STARD9: variants seen among roughly 807,000 people sequenced by gnomAD.
STARD9 encodes stAR-related lipid transfer protein 9.
In STARD9, 346 loss-of-function variants were observed where a neutral mutation model predicts 399.8. The observed-to-expected ratio is 0.87, with a 90% CI of 0.79 to 0.95. STARD9 has a LOEUF of 0.95. Among genes scored for constraint, STARD9 ranks in the 40% least tolerant of loss-of-function variants. The pLI, the probability that STARD9 is intolerant of heterozygous loss-of-function variation, is 0.00. For missense variants in STARD9, 5,832 were observed against 5,667.5 expected (o/e 1.03, Z -0.93); for synonymous variants, 2,203 against 2,143.5 (o/e 1.03, Z -0.77).
In STARD9 at chr15:42,690,987, AC is replaced by A; in HGVS notation, c.9410del (p.Thr3137LysfsTer10). Reference protein sequence around the residue: ...VCQTNPEPPATTQGPHTLDLS... With the variant: ...VCQTNPEPPAXTQGPHTLDLS... ...TCAAACCAATCCAGAACCACCTGCAACAACTCAGGGACCACACACCCTGGAT... is the reference window on the plus strand; with the variant it reads ...TCAAACCAATCCAGAACCACCTGCAAAACTCAGGGACCACACACCCTGGAT... On this transcript the variant is annotated frameshift_variant, in exon 23 of 33. Transcript: ENST00000290607. LOFTEE classifies it high-confidence loss of function. 6.5e-7 allele frequency: 1 copy of A among 1,537,258 alleles called. No individual in the cohort carries two copies. The highest frequency in any genetic ancestry group is 1.2e-5 in the South Asian group (1 of 84,060).
At chr15:42,678,917 G>C (rs961755728) in intron 20 of STARD9, among the ~76,000 whole-genome samples, 3 of 152,210 alleles carry the variant, frequency 2.0e-5, no homozygotes, top group African/African-American at 7.2e-5. Context: ...GCGGCCTCTT[G>C]GGTGAATGTG....
In STARD9 at chr15:42,718,834, TC is replaced by T; in HGVS notation, c.13927del (p.Leu4643CysfsTer38). ...AGCAGAAAAATGGTTCGCGGGGAGATCCTGCCCAGTGCCTGGATCTTGCAGC... is the reference window on the plus strand; with the variant it reads ...AGCAGAAAAATGGTTCGCGGGGAGATCTGCCCAGTGCCTGGATCTTGCAGC... The part of the protein sequence containing the change: ...RPSRKMVRGE[I>X]LPSAWILQPI... On this transcript the variant is annotated frameshift_variant, in exon 32 of 33. Coordinates refer to ENST00000290607, the MANE Select transcript of STARD9 (RefSeq NM_020759.3). LOFTEE classifies it high-confidence loss of function. 7.8e-6 allele frequency: 12 copies of T among 1,537,172 alleles called. No individual in the cohort carries two copies. Among genetic ancestry groups the T allele is most frequent in the Non-Finnish European group, 1.0e-5 (12 of 1,146,874 alleles).
At chr15:42,707,299 T>A (rs2061109459) in intron 26 of STARD9, among the ~76,000 whole-genome samples, 1 of 152,192 alleles carries the variant, frequency 6.6e-6, no homozygotes, top group African/African-American at 2.4e-5. Flanking sequence ...TGTAAGGAAT[T>A]GTTTATTAAG....
At chr15:42,601,471 G>A (rs1595612176) in intron 3 of STARD9, among the ~76,000 whole-genome samples, 2 of 151,234 alleles carry the variant, frequency 1.3e-5, no homozygotes. Context: ...CCTCCCAGAC[G>A]GGGCGGCGGC....
At chr15:42,646,785 T>C (rs1021772209) in intron 7 of STARD9, among the ~76,000 whole-genome samples, 9 of 152,262 alleles carry the variant, frequency 5.9e-5, no homozygotes, top group African/African-American at 2.2e-4. Context: ...GAGGCCTAGC[T>C]TTCAGCCTTT....
rs766514302 is a variant in STARD9 at position 42,581,079 on chromosome 15, C to A, written c.48-2267C>A. 9 of 626,198 alleles carry A rather than the reference C, an allele frequency of 1.4e-5. 1 individual carries two copies. The highest frequency in any genetic ancestry group is 1.3e-4 in the South Asian group (8 of 61,910). The allele number at this position is 626,198 out of a possible 1,614,324, so 38.8% of individuals were successfully genotyped here. A position where few individuals can be genotyped will look rare whatever the true frequency, so the allele number is the denominator to read the frequency against. On this transcript the variant is annotated intron_variant, in intron 1 of 32. Transcript: ENST00000290607. ...GATCCTATTGGCCAAATCAGGTGCA[C>A]ACAGGTACCAGTGTTGCTGCTTTTC...
intron 3 of STARD9, among the ~76,000 whole-genome samples, chr15:42,626,315 C>CTCTTCT (rs1339535183): frequency 6.9e-6 from 1 of 145,578 alleles, no homozygotes; most frequent in Admixed American, 6.9e-5. Context: ...CTTCCTCTTC[C>CTCTTCT]TCTTCTTCCT....
rs1237311739 is a variant in STARD9 at position 42,694,538 on chromosome 15, G to T, written c.12775G>T (p.Ala4259Ser). 1 of 1,537,046 alleles carries T rather than the reference G, an allele frequency of 6.5e-7. No individual in the cohort carries two copies. The highest frequency in any genetic ancestry group is 1.4e-5 in the African/African-American group (1 of 73,036). Reference sequence around the variant, plus strand: ...CGTGTTTTGCCTCAGGCAAAAAAAGGCCATTGAGACCCTCAGGAGAGAGCG... The same window carrying T: ...CGTGTTTTGCCTCAGGCAAAAAAAGTCCATTGAGACCCTCAGGAGAGAGCG... ...WKELYARQKK[A>S]IETLRRERAE... Residue 4259 changes from alanine (A) to serine (S), a missense_variant, in exon 24 of 33, where the codon GCC (alanine) becomes TCC (serine). Around this residue, in one of 2 missense-constraint regions of STARD9, gnomAD observed 5,828 missense variants for 5,651.1 expected, o/e 1.03. Transcript: ENST00000290607.
At chr15:42,646,458 T>C (rs1311845243) in intron 7 of STARD9, among the ~76,000 whole-genome samples, 1 of 152,260 alleles carries the variant, frequency 6.6e-6, no homozygotes, top group Non-Finnish European at 1.5e-5. Flanking sequence ...CACCTTGCAC[T>C]TAAATGTTAC....
Position 42,695,303 on chromosome 15 carries a change from A to G in STARD9, c.13126A>G (p.Ile4376Val), listed in dbSNP as rs1200549792. The change falls in exon 25 of 33, where the codon ATC becomes GTC. Residue 4376 changes from isoleucine (I) to valine (V), a missense_variant. Physicochemically the swap from Ile to Val is conservative, Grantham distance 29. This residue lies in a region of STARD9 where 5,828 missense variants were observed against 5,651.1 expected (regional missense o/e 1.03). Transcript: ENST00000290607. Reference protein sequence around the residue: ...EQEKLRIHQKIISQLLKEEDK... With the variant: ...EQEKLRIHQKVISQLLKEEDK... Reference sequence around the variant, plus strand: ...AGAGAAGCTGAGAATCCACCAGAAGATCATTTCCCAGCTATTGAAGGTGTG... The same window carrying G: ...AGAGAAGCTGAGAATCCACCAGAAGGTCATTTCCCAGCTATTGAAGGTGTG... The G allele has an allele frequency of 6.5e-7, 1 of 1,535,120 alleles. No homozygotes were observed. The highest frequency in any genetic ancestry group is 8.7e-7 in the Non-Finnish European group (1 of 1,145,490).
intron 3 of STARD9, among the ~76,000 whole-genome samples, chr15:42,627,316 GGGTACATAGTA>G (rs1440883645): frequency 6.6e-6 from 1 of 151,964 alleles, no homozygotes; most frequent in African/African-American, 2.4e-5. Context: ...AAAAAATTAT[GGGTACATAGTA>G]GGTATATATA....
In STARD9 at chr15:42,686,201, T is replaced by G. The variant is rs1341358891; in HGVS notation, c.4623T>G (p.Asn1541Lys). Residue 1541 changes from asparagine to lysine, a missense_variant, in exon 23 of 33, where the codon AAT becomes AAG. This residue lies in a region of STARD9 where 5,828 missense variants were observed against 5,651.1 expected (regional missense o/e 1.03). Coordinates refer to ENST00000290607, the MANE Select transcript of STARD9 (RefSeq NM_020759.3). ...CAGTTGGCCCTAGGGTATCTAGCAA[T>G]CTGAATCTCAACAACTTTCCAGTCC... ...LLPVGPRVSS[N>K]LNLNNFPVHL... The G allele has an allele frequency of 3.3e-6, 5 of 1,537,636 alleles. No homozygotes were observed. The East Asian group carries it at 1.2e-4, about 38-fold the overall frequency.
chr15:42,692,612 C>T lies in STARD9; in HGVS notation c.11034C>T (p.His3678=). 6.5e-7 allele frequency: 1 copy of T among 1,537,244 alleles called. No individual in the cohort carries two copies. Among genetic ancestry groups the T allele is most frequent in the Non-Finnish European group, 8.7e-7 (1 of 1,146,920 alleles). The change falls in exon 23 of 33, where the codon CAC becomes CAT. Residue 3678 remains histidine, a synonymous_variant. Transcript: ENST00000290607. ...AFDLASWTSM[H]NLSLHLSQLL... is the part of the protein sequence containing the mutation. ...ATCTGGCCTCATGGACCAGCATGCA[C>T]AATCTGTCTCTCCACCTCTCACAGC...
At chr15:42,627,548 TTG>T (rs1292863782) in intron 3 of STARD9, among the ~76,000 whole-genome samples, 1 of 152,214 alleles carries the variant, frequency 6.6e-6, no homozygotes, top group Non-Finnish European at 1.5e-5. Flanking sequence ...CTTACTCATT[TTG>T]TCTAACTTTT....
chr15:42,595,815 T>C (rs566834150), intron 3 of STARD9, among the ~76,000 whole-genome samples: 2 of 152,302 alleles, frequency 1.3e-5, no homozygotes, highest in East Asian at 3.9e-4. Flanking sequence ...TCTGCAGAGC[T>C]GAGTGGAAGA....
rs990836627 is a variant in STARD9, at chr15:42,693,011, C to T, written c.11433C>T (p.Ser3811=). The part of the protein sequence containing the change: ...QEESTPYKPQ[S]PSIPSSHLRF... ...AAAGCACTCCCTACAAGCCCCAGAGCCCTTCAATACCCTCATCCCACTTGA... is the reference window on the plus strand; with the variant it reads ...AAAGCACTCCCTACAAGCCCCAGAGTCCTTCAATACCCTCATCCCACTTGA... Residue 3811 remains serine, a synonymous_variant, in exon 23 of 33, where the codon AGC becomes AGT. Coordinates refer to ENST00000290607, the MANE Select transcript of STARD9 (RefSeq NM_020759.3). 3 of 1,537,208 alleles carry T rather than the reference C, an allele frequency of 2.0e-6. No homozygotes were observed. Among genetic ancestry groups the T allele is most frequent in the Non-Finnish European group, 2.6e-6 (3 of 1,146,898 alleles).
At chr15:42,661,676 C>T (rs775814927) in intron 10 of STARD9, among the ~76,000 whole-genome samples, 29 of 151,860 alleles carry the variant, frequency 1.9e-4, no homozygotes, top group Non-Finnish European at 3.4e-4. Flanking sequence ...TGGCTGGCCT[C>T]GCACTCCTGG....
intron 26 of STARD9, among the ~76,000 whole-genome samples, chr15:42,699,434 G>A (rs1322307653): frequency 1.2e-4 from 15 of 124,408 alleles, no homozygotes; most frequent in Admixed American, 1.1e-3. Flanking sequence ...TTGCTCTGTC[G>A]CCAGGCTGGA....
intron 3 of STARD9, among the ~76,000 whole-genome samples, chr15:42,630,483 A>AT (rs1420566356): frequency 4.6e-5 from 7 of 151,804 alleles, no homozygotes; most frequent in African/African-American, 1.2e-4. Context: ...TCCCTTTTTC[A>AT]TTTTTTTGGA....
Sources: allele counts gnomAD v4.1 joint callset (sites outside exome capture counted in the v4.1 genomes callset), GRCh38; gene constraint gnomAD v4.1.1; regional missense constraint gnomAD v4.1.1; transcripts MANE v1.5; gene names NCBI Gene and HGNC (gene_info 2026-07-23, HGNC 2026-07-21).